The following HADHA variants were observed in gnomAD, a reference collection of about 807,000 sequenced individuals.
HADHA encodes the protein trifunctional enzyme subunit alpha, mitochondrial.
HADHA carries 59 observed loss-of-function variants against 91.3 expected under a neutral mutation model. The observed-to-expected ratio is 0.65, with a 90% CI of 0.52 to 0.80. The LOEUF is 0.80. Among genes scored for constraint, HADHA ranks in the 30% least tolerant of loss-of-function variants. HADHA has a pLI of 0.00. For missense variants in HADHA, 800 were observed against 927.6 expected, an observed-to-expected ratio of 0.86 and a Z score of 1.79; for synonymous variants, 320 against 338.9, an observed-to-expected ratio of 0.94 and a Z score of 0.61.
At chr2:26,230,434 T>A in intron 6 of HADHA, 140 bp from the exon 7 acceptor site, 1 of 688,014 alleles carries the variant, frequency 1.5e-6, no homozygotes, top group Non-Finnish European at 2.7e-6. Context: ...ACAGCATAGA[T>A]AAGTTATATT....
rs529447981 is a variant in HADHA at position 26,229,638 on chromosome 2, A to G, written c.676+554T>C. On this transcript the variant is annotated intron_variant, in intron 7 of 19. Transcript: ENST00000380649. The surrounding 1 kb of genome is among the most constrained non-coding windows in gnomAD (Gnocchi z 4.3). Reference sequence around the variant, plus strand: ...CATGGATAATGATACAGGTAATTTAAGAACCAAAAATAATGACTTGACTGA... The same window carrying G: ...CATGGATAATGATACAGGTAATTTAGGAACCAAAAATAATGACTTGACTGA... Among the ~76,000 whole-genome samples, 28 of 152,258 alleles carry G rather than the reference A, an allele frequency of 1.8e-4. No individual in the cohort carries two copies. The highest frequency in any genetic ancestry group is 3.5e-4 in the Non-Finnish European group (24 of 68,040).
At chr2:26,193,938 T>C (rs188167993) in intron 16 of HADHA, among the ~76,000 whole-genome samples, 166 bp from the exon 17 acceptor site, 100 of 152,310 alleles carry the variant, frequency 6.6e-4, no homozygotes, top group African/African-American at 2.3e-3. Context: ...ACAAAGAAGT[T>C]TGGGGCCACA....
At chr2:26,236,756 C>A (rs1482861665) in intron 4 of HADHA, 99 bp downstream of exon 4, 4 of 937,704 alleles carry the variant, frequency 4.3e-6, no homozygotes, top group African/African-American at 1.6e-5. Context: ...TGTCACTGTG[C>A]CCAGCACTTC....
intron 7 of HADHA, among the ~76,000 whole-genome samples, chr2:26,228,688 A>T (rs1026390338): frequency 5.9e-5 from 9 of 151,922 alleles, no homozygotes; most frequent in African/African-American, 2.2e-4. Flanking sequence ...ATTTTTGTTT[A>T]AAAGATGGCA....
rs368976628 is a variant in HADHA, at chr2:26,191,403, G to C, written c.2147-8C>G. On this transcript the variant is annotated splice_region_variant and splice_polypyrimidine_tract_variant and intron_variant, in intron 19 of 19. Transcript: ENST00000380649. Reference sequence around the variant, plus strand: ...CCACAAAGCGGAAAGGCCCTGAATAGAGAAAGAGGACTTCGTTGAAGGAGA... The same window carrying C: ...CCACAAAGCGGAAAGGCCCTGAATACAGAAAGAGGACTTCGTTGAAGGAGA... 434 of 1,614,084 alleles carry C rather than the reference G, an allele frequency of 2.7e-4. 1 individual carries two copies. The highest frequency in any genetic ancestry group is 3.6e-4 in the Non-Finnish European group (425 of 1,180,042).
At chr2:26,242,841 T>G (rs188996101) in intron 1 of HADHA, among the ~76,000 whole-genome samples, 84 of 152,328 alleles carry the variant, frequency 5.5e-4, no homozygotes, top group African/African-American at 2.0e-3. Flanking sequence ...AAGCTCCGCC[T>G]CCCGGGCTCA....
rs1008570021 is a variant in HADHA at position 26,236,870 on chromosome 2, G to C, written c.299C>G (p.Ala100Gly). Reference sequence around the variant, plus strand: ...TAAAACTTACTTGATATCAGCACCTGCAATAAAGCAGCCTGGCTTTGATGA... The same window carrying C: ...TAAAACTTACTTGATATCAGCACCTCCAATAAAGCAGCCTGGCTTTGATGA... ...LISSKPGCFI[A>G]GADINMLAAC... Residue 100 changes from alanine (A) to glycine (G), a missense_variant, in exon 4 of 20, where the codon GCA becomes GGA. Transcript: ENST00000380649. The C allele has an allele frequency of 5.6e-6, 9 of 1,611,708 alleles. No homozygotes were observed. In the South Asian group the frequency reaches 9.9e-5, roughly 18 times the overall value.
rs770437441 is a variant in HADHA at position 26,244,599 on chromosome 2, T to A, written c.-3A>T. The stretch of plus-strand genomic sequence containing the variant: ...CCAATCGCCCGGCAGGCCACCATCT[T>A]GAGCTGAAGAGGACAGCAGTGGAGA... On this transcript the variant is annotated 5_prime_UTR_variant, in exon 1 of 20. Coordinates refer to ENST00000380649, the MANE Select transcript of HADHA (RefSeq NM_000182.5). 17 of 1,578,036 alleles carry A rather than the reference T, an allele frequency of 1.1e-5. No individual in the cohort carries two copies. The highest frequency in any genetic ancestry group is 1.5e-5 in the Non-Finnish European group (17 of 1,161,318).
At chr2:26,224,098 C>T (rs186684065) in intron 7 of HADHA, among the ~76,000 whole-genome samples, 1 of 152,308 alleles carries the variant, frequency 6.6e-6, no homozygotes, top group African/African-American at 2.4e-5. Flanking sequence ...CTCTCCTCAC[C>T]CAGGGTCCAT....
intron 18 of HADHA, 95 bp downstream of exon 18, chr2:26,192,215 G>C: frequency 1.4e-6 from 1 of 713,616 alleles, no homozygotes; most frequent in Non-Finnish European, 2.5e-6. Flanking sequence ...AGGACTTAAA[G>C]TATTAAAAAA....
intron 13 of HADHA, among the ~76,000 whole-genome samples, chr2:26,200,432 G>A (rs1669799201): frequency 6.6e-6 from 1 of 152,172 alleles, no homozygotes; most frequent in Non-Finnish European, 1.5e-5. Context: ...TGCCTATGGA[G>A]AACATTTGGG....
chr2:26,237,123 TATC>T (rs1349528100), intron 3 of HADHA, 135 bp from the exon 4 acceptor site: 9 of 761,150 alleles, frequency 1.2e-5, no homozygotes, highest in South Asian at 7.1e-5. Flanking sequence ...GAGTAAGAAA[TATC>T]ATTCTCCCAG....
At chr2:26,193,871 C>T in intron 16 of HADHA, 99 bp from the exon 17 acceptor site, 1 of 924,064 alleles carries the variant, frequency 1.1e-6, no homozygotes. Flanking sequence ...GTGTAAAACC[C>T]ACTTCTGAGT....
At chr2:26,243,483 T>C (rs1180365528) in intron 1 of HADHA, among the ~76,000 whole-genome samples, 1 of 151,862 alleles carries the variant, frequency 6.6e-6, no homozygotes, top group Non-Finnish European at 1.5e-5. Context: ...GGCAAATACA[T>C]GCTACAGTTT....
chr2:26,234,595 T>C (rs1342114241), intron 4 of HADHA, among the ~76,000 whole-genome samples: 1 of 151,982 alleles, frequency 6.6e-6, no homozygotes, highest in Non-Finnish European at 1.5e-5. Flanking sequence ...TGAAACCCCG[T>C]CTCTACTAAA....
intron 7 of HADHA, 29 bp from the exon 8 acceptor site, chr2:26,215,204 C>T (rs750678321): frequency 6.2e-7 from 1 of 1,609,960 alleles, no homozygotes; most frequent in South Asian, 1.1e-5. Flanking sequence ...CACTGGAATG[C>T]AAATCAGGCT....
rs1044461059 is a variant in HADHA at position 26,221,857 on chromosome 2, C to G, written c.677-6682G>C. 6.6e-6 allele frequency among the ~76,000 whole-genome samples: 1 copy of G among 152,106 alleles called. No homozygotes were observed. The highest frequency in any genetic ancestry group is 2.4e-5 in the African/African-American group (1 of 41,418). ...TGGGCAGTACTTCTGACAGTGCACCCGGTTGTTCATTTTGTCTAGAAAGAA... is the reference window on the plus strand; with the variant it reads ...TGGGCAGTACTTCTGACAGTGCACCGGGTTGTTCATTTTGTCTAGAAAGAA... On this transcript the variant is annotated intron_variant, in intron 7 of 19. Coordinates refer to ENST00000380649, the MANE Select transcript of HADHA (RefSeq NM_000182.5). The surrounding 1 kb of genome is among the most constrained non-coding windows in gnomAD (Gnocchi z 4.8).
chr2:26,218,299 C>CAAA lies in HADHA; in HGVS notation c.677-3127_677-3125dup, dbSNP rs35868710. Among the ~76,000 whole-genome samples, 52 of 146,520 alleles carry CAAA rather than the reference C, an allele frequency of 3.5e-4. No homozygotes were observed. In the East Asian group the frequency reaches 5.4e-3, roughly 15 times the overall value. On this transcript the variant is annotated intron_variant, in intron 7 of 19. Coordinates refer to ENST00000380649, the MANE Select transcript of HADHA (RefSeq NM_000182.5). ...TGGGCAAAAGGGTGAGACTCTGTCT[C>CAAA]AAAAAAAAAAAGAGAGAGAAAAGAA...
At chr2:26,244,467 G>A in intron 1 of HADHA, 63 bp downstream of exon 1, 1 of 1,514,866 alleles carries the variant, frequency 6.6e-7, no homozygotes, top group South Asian at 1.2e-5. Flanking sequence ...GCGGCTCCGG[G>A]GCCACCCCAG....
Sources: allele counts gnomAD v4.1 joint callset (sites outside exome capture counted in the v4.1 genomes callset), GRCh38; gene constraint gnomAD v4.1.1; non-coding constraint Gnocchi (gnomAD v3.1); transcripts MANE v1.5; gene names NCBI Gene and HGNC (gene_info 2026-07-23, HGNC 2026-07-21).